SSUH2: variants seen among roughly 807,000 people sequenced by gnomAD.
SSUH2 encodes protein SSUH2 homolog.
SSUH2 carries 47 observed loss-of-function variants against 55.3 expected under a neutral mutation model. That is an observed-to-expected ratio of 0.85 (90% confidence interval 0.67 to 1.08). The LOEUF is 1.08. Among genes scored for constraint, SSUH2 ranks in the 50% least tolerant of loss-of-function variants. The probability of loss-of-function intolerance (pLI) is 0.00; values close to 1 mark genes in which losing one functional copy is unlikely to be tolerated. For synonymous variants in SSUH2, 212 were observed against 191.5 expected, an observed-to-expected ratio of 1.11 and a Z score of -0.89; for missense variants, 535 against 490.7, an observed-to-expected ratio of 1.09 and a Z score of -0.85.
At chr3:8,680,012 T>G (rs112123381) in intron 1 of SSUH2, among the ~76,000 whole-genome samples, 4,819 of 152,150 alleles carry the variant, frequency 0.032, 235 homozygotes, top group African/African-American at 0.11. Context: ...AAGTCTTTCA[T>G]GAGTTAAGGG....
At chr3:8,681,495 C>T (rs1221984815) in intron 1 of SSUH2, among the ~76,000 whole-genome samples, 8 of 142,350 alleles carry the variant, frequency 5.6e-5, no homozygotes, top group Non-Finnish European at 9.3e-5. Flanking sequence ...GCAGCCCCCA[C>T]GAGGCGGGGA....
intron 3 of SSUH2, among the ~76,000 whole-genome samples, chr3:8,675,361 C>A (rs538312556): frequency 6.6e-6 from 1 of 152,180 alleles, no homozygotes; most frequent in African/African-American, 2.4e-5. Flanking sequence ...GGCGTTGGCT[C>A]GAGACCATCA....
chr3:8,663,930 T>A (rs1005945275), intron 5 of SSUH2: 1 of 431,068 alleles, frequency 2.3e-6, no homozygotes, highest in Non-Finnish European at 4.7e-6. Context: ...GATAAAAATA[T>A]TTTCCTTGGT....
At chr3:8,633,876 G>T (rs1699397864) in intron 3 of SSUH2, 81 bp from the exon 4 acceptor site, 1 of 1,613,920 alleles carries the variant, frequency 6.2e-7, no homozygotes, top group African/African-American at 1.3e-5. Context: ...TCCTCAACGT[G>T]CAGGCGAGAA....
intron 8 of SSUH2, 109 bp from the exon 9 acceptor site, chr3:8,626,430 G>A: frequency 1.3e-6 from 1 of 779,782 alleles, no homozygotes; most frequent in South Asian, 1.6e-5. Context: ...TGGTGGGCCT[G>A]CATTGTTTGT....
At chr3:8,667,367 C>T (rs187142159) in intron 5 of SSUH2, among the ~76,000 whole-genome samples, 1 of 152,278 alleles carries the variant, frequency 6.6e-6, no homozygotes, top group East Asian at 1.9e-4. Flanking sequence ...TTATAATTAG[C>T]GTATAATGAA....
intron 10 of SSUH2, among the ~76,000 whole-genome samples, chr3:8,624,523 C>T (rs986108552): frequency 2.0e-5 from 3 of 152,204 alleles, no homozygotes; most frequent in African/African-American, 4.8e-5. Flanking sequence ...AGGAGGCTGA[C>T]ACACCTCCCT....
intron 3 of SSUH2, among the ~76,000 whole-genome samples, chr3:8,673,957 C>G (rs1324151646): frequency 6.6e-6 from 1 of 151,962 alleles, no homozygotes; most frequent in African/African-American, 2.4e-5. Flanking sequence ...CCCTTGATCC[C>G]GATAACCCTG....
intron 1 of SSUH2, among the ~76,000 whole-genome samples, chr3:8,681,151 C>A (rs537148604): frequency 2.9e-5 from 4 of 135,736 alleles, no homozygotes; most frequent in African/African-American, 7.9e-5. Context: ...CCTCTTAGGA[C>A]TTCCATAGCA....
intron 4 of SSUH2, chr3:8,671,836 C>T (rs1366232618): frequency 6.9e-6 from 1 of 143,986 alleles, no homozygotes; most frequent in Non-Finnish European, 1.5e-5. Flanking sequence ...CGATCCACAT[C>T]GCAGGGGGGC....
chr3:8,644,828 A>G (rs1701462013), upstream of SSUH2: 3 of 1,352,210 alleles, frequency 2.2e-6, no homozygotes, highest in East Asian at 2.5e-5. Flanking sequence ...CTGATGGACC[A>G]CCCTCAGGCC....
At chr3:8,681,393 C>T (rs370810902) in intron 1 of SSUH2, among the ~76,000 whole-genome samples, 21 of 143,286 alleles carry the variant, frequency 1.5e-4, no homozygotes, top group African/African-American at 5.0e-4. Flanking sequence ...GGACACCCAT[C>T]GCAGGATGGG....
chr3:8,679,119 C>CCCCAT (rs2124923574), intron 2 of SSUH2, among the ~76,000 whole-genome samples: 5 of 107,190 alleles, frequency 4.7e-5, no homozygotes, highest in Admixed American at 9.0e-5. Context: ...CTCTTAGGAC[C>CCCCAT]CAAATTGCGG....
intron 2 of SSUH2, chr3:8,677,371 G>A (rs534377523): frequency 6.6e-6 from 1 of 151,426 alleles, no homozygotes; most frequent in South Asian, 2.1e-4. Flanking sequence ...CAGAAGGCAG[G>A]TGAGAGAATT....
Position 8,619,742 on chromosome 3 carries a change from TCTGGAAGGACA to T in SSUH2, c.*115_*125del. ...GCTTGATAGATGATAAGCTGGTTTT[TCTGGAAGGACA>T]TGCCAGGGTTTGTATGTGATTGTCC... is the stretch of plus-strand genomic sequence containing the variant. On this transcript the variant is annotated 3_prime_UTR_variant, in exon 12 of 12. Transcript: ENST00000544814. 1 of 1,169,496 alleles carries T rather than the reference TCTGGAAGGACA, an allele frequency of 8.6e-7. No individual in the cohort carries two copies. Among genetic ancestry groups the T allele is most frequent in the Non-Finnish European group, 1.2e-6 (1 of 836,366 alleles). 72.4% of individuals were successfully genotyped at this position (1,169,496 alleles called of 1,614,324 possible).
chr3:8,634,787 G>C (rs77054807), intron 3 of SSUH2: 1 of 365,144 alleles, frequency 2.7e-6, no homozygotes, highest in Non-Finnish European at 5.3e-6. Flanking sequence ...CCTTCTCTCC[G>C]CACAAAGCTG....
intron 1 of SSUH2, among the ~76,000 whole-genome samples, chr3:8,636,741 C>T (rs571892336): frequency 6.6e-6 from 1 of 152,270 alleles, no homozygotes; most frequent in South Asian, 2.1e-4. Flanking sequence ...ACATTCCCTC[C>T]TCTTTTCTCT....
intron 1 of SSUH2, 86 bp from the exon 2 acceptor site, chr3:8,635,943 G>A (rs777228964): frequency 4.6e-5 from 55 of 1,198,688 alleles, no homozygotes; most frequent in Non-Finnish European, 5.7e-5. Flanking sequence ...ATTAGGGCGG[G>A]TGCATTATAA....
Position 8,679,365 on chromosome 3 carries a change from T to G in SSUH2, c.-901+340A>C, listed in dbSNP as rs764852536. ...CTTGCTCTTCCGACCCCCATCGCAT[T>G]GGCGGGAGGCATCCCCCAGGAGGAG... is the stretch of plus-strand genomic sequence containing the variant. On this transcript the variant is annotated intron_variant, in intron 2 of 18. Transcript: ENST00000317371. 2.7e-4 allele frequency among the ~76,000 whole-genome samples: 19 copies of G among 69,884 alleles called. 2 individuals carry two copies. Among genetic ancestry groups the G allele is most frequent in the East Asian group, 1.3e-3 (2 of 1,500 alleles). The allele number at this position is 69,884 out of a possible 152,430, so 45.8% of individuals were successfully genotyped here. A position where few individuals can be genotyped will look rare whatever the true frequency, so the allele number is the denominator to read the frequency against.
Sources: gnomAD v4.1 joint callset for allele counts (sites outside exome capture counted in the v4.1 genomes callset) on GRCh38, gnomAD v4.1.1 for gene constraint, MANE v1.5 for transcripts, NCBI Gene and HGNC (gene_info 2026-07-23, HGNC 2026-07-21) for gene names.